CDH3: variants seen among roughly 807,000 people sequenced by gnomAD.
CDH3 encodes the protein cadherin-3.
In CDH3, 54 loss-of-function variants were observed where a neutral mutation model predicts 82.0. The ratio of observed to expected loss-of-function variants is 0.66; its 90% CI spans 0.53 to 0.83. The LOEUF (loss-of-function observed/expected upper bound fraction) is 0.83. CDH3 is among the 40% of genes least tolerant of loss of function. The probability of loss-of-function intolerance (pLI) is 0.00; values close to 1 mark genes in which losing one functional copy is unlikely to be tolerated. For synonymous variants in CDH3, 446 were observed against 437.9 expected, an observed-to-expected ratio of 1.02 and a Z score of -0.23; for missense variants, 1,054 against 1,084.6, an observed-to-expected ratio of 0.97 and a Z score of 0.40.
intron 1 of CDH3, among the ~76,000 whole-genome samples, chr16:68,719,898 A>G (rs958417700): frequency 6.6e-6 from 1 of 152,118 alleles, no homozygotes; most frequent in Non-Finnish European, 1.5e-5. Flanking sequence ...TCATGCATGT[A>G]ATCCCAACAC....
intron 2 of CDH3, among the ~76,000 whole-genome samples, chr16:68,654,353 C>A (rs1334307887): frequency 7.2e-6 from 1 of 138,610 alleles, no homozygotes; most frequent in East Asian, 2.1e-4. Flanking sequence ...GCCACCGCAC[C>A]TGGCCTTTTT....
chr16:68,697,198 C>T (rs539995517), intron 15 of CDH3, among the ~76,000 whole-genome samples: 4 of 151,892 alleles, frequency 2.6e-5, no homozygotes, highest in African/African-American at 9.7e-5. Context: ...CTGGTGGGCG[C>T]CTGTAGTCCC....
intron 12 of CDH3, among the ~76,000 whole-genome samples, chr16:68,689,526 ACT>A (rs1961505530): frequency 6.8e-6 from 1 of 147,718 alleles, no homozygotes; most frequent in African/African-American, 2.5e-5. Flanking sequence ...ACAGAGCGAG[ACT>A]CTGTCTCAGA....
At chr16:68,687,425 T>G in intron 11 of CDH3, 87 bp from the exon 12 acceptor site, 3 of 979,226 alleles carry the variant, frequency 3.1e-6, no homozygotes, top group Non-Finnish European at 4.9e-6. Flanking sequence ...TCTTGAGAGG[T>G]GAGAGCTGGG....
intron 2 of CDH3, among the ~76,000 whole-genome samples, chr16:68,669,934 C>T (rs1960839826): frequency 6.6e-6 from 1 of 151,782 alleles, no homozygotes; most frequent in Non-Finnish European, 1.5e-5. Context: ...GCCTGGGAAA[C>T]AGCAAGACCC....
At chr16:68,715,507 G>A (rs970660193) in intron 1 of CDH3, among the ~76,000 whole-genome samples, 1 of 152,064 alleles carries the variant, frequency 6.6e-6, no homozygotes, top group Non-Finnish European at 1.5e-5. Flanking sequence ...GAACTGGGGC[G>A]ATGTTCAAGT....
chr16:68,680,055 C>T, intron 7 of CDH3, 81 bp downstream of exon 7: 2 of 1,382,412 alleles, frequency 1.4e-6, no homozygotes, highest in South Asian at 2.3e-5. Flanking sequence ...AGCTCCTATC[C>T]CTGCCCACAA....
intron 1 of CDH3, among the ~76,000 whole-genome samples, chr16:68,708,460 G>A (rs1207604240): frequency 1.3e-5 from 2 of 152,066 alleles, no homozygotes; most frequent in South Asian, 2.1e-4. Flanking sequence ...CCCTCTGCCT[G>A]GCATGCCATT....
downstream of CDH3, among the ~76,000 whole-genome samples, chr16:68,730,297 C>T (rs538575874): frequency 1.0e-3 from 152 of 149,736 alleles, no homozygotes; most frequent in African/African-American, 2.5e-3. Flanking sequence ...GAGGCTGAGG[C>T]GGGCGGATCA....
At chr16:68,680,542 G>GCA (rs1961190500) in intron 7 of CDH3, among the ~76,000 whole-genome samples, 1 of 152,166 alleles carries the variant, frequency 6.6e-6, no homozygotes, top group Non-Finnish European at 1.5e-5. Flanking sequence ...AGCTGGGCGT[G>GCA]GTGGCAGGCA....
chr16:68,666,507 G>A (rs1960737877), intron 2 of CDH3, among the ~76,000 whole-genome samples: 1 of 152,074 alleles, frequency 6.6e-6, no homozygotes, highest in African/African-American at 2.4e-5. Flanking sequence ...CCCAGCATGT[G>A]CAGCCTCTTC....
At chr16:68,705,914 CAT>C (rs1228579983) in intron 1 of CDH3, among the ~76,000 whole-genome samples, 1 of 151,188 alleles carries the variant, frequency 6.6e-6, no homozygotes, top group Admixed American at 6.6e-5. Context: ...AAATACAAAA[CAT>C]TAGCGCGGCG....
At position 68,679,880 on chromosome 16, in the gene CDH3, A is replaced by C; in HGVS notation, c.773A>C (p.His258Pro). 6.2e-7 allele frequency: 1 copy of C among 1,613,962 alleles called. No homozygotes were observed. The highest frequency in any genetic ancestry group is 8.5e-7 in the Non-Finnish European group (1 of 1,179,840). Reference sequence around the variant, plus strand: ...AATGGGGTGGTTGCTTACTCCATCCATAGCCAAGAACCAAAGGACCCACAC... The same window carrying C: ...AATGGGGTGGTTGCTTACTCCATCCCTAGCCAAGAACCAAAGGACCCACAC... The part of the protein sequence containing the change: ...TYNGVVAYSI[H>P]SQEPKDPHDL... Residue 258 changes from histidine to proline, a missense_variant, in exon 7 of 16, where the codon CAT becomes CCT. Coordinates refer to ENST00000264012, the MANE Select transcript of CDH3 (RefSeq NM_001793.6).
chr16:68,667,727 T>A (rs1960775692), intron 2 of CDH3, among the ~76,000 whole-genome samples: 1 of 152,092 alleles, frequency 6.6e-6, no homozygotes, highest in South Asian at 2.1e-4. Flanking sequence ...GGGACCAAAC[T>A]CTTCTTGCCC....
chr16:68,654,461 G>GGGA, intron 2 of CDH3, among the ~76,000 whole-genome samples: 1 of 126,380 alleles, frequency 7.9e-6, no homozygotes, highest in Non-Finnish European at 1.6e-5. Flanking sequence ...CCAGCACTTT[G>GGGA]GGAGGCCGAG....
intron 2 of CDH3, among the ~76,000 whole-genome samples, chr16:68,664,851 T>C (rs1469090065): frequency 6.6e-6 from 1 of 151,994 alleles, no homozygotes; most frequent in Admixed American, 6.6e-5. Context: ...GGTTTCGCCA[T>C]GTTGCCCAGG....
rs529025669 is a variant in CDH3 at position 68,724,662 on chromosome 16, AT to A, written c.*45+2048del. Among the ~76,000 whole-genome samples, 89 of 151,662 alleles carry A rather than the reference AT, an allele frequency of 5.9e-4. No homozygotes were observed. In the East Asian group the frequency reaches 0.016, roughly 26 times the overall value. ...AAAAAAATGGTCTCGAGACCTGTCA[AT>A]TCCCCACACTACGTTGTCTGGCCAC... On this transcript the variant is annotated intron_variant, in intron 2 of 2. Coordinates refer to the CDH3 transcript ENST00000569080.
At chr16:68,648,260 C>T (rs1374675905) in intron 2 of CDH3, among the ~76,000 whole-genome samples, 3 of 152,142 alleles carry the variant, frequency 2.0e-5, no homozygotes. Context: ...ACTTTTACCT[C>T]CTGGTATATG....
intron 2 of CDH3, chr16:68,651,569 C>A: frequency 2.0e-6 from 1 of 497,978 alleles, no homozygotes. Context: ...TCTTGGCCTT[C>A]CCCGCCAGGG....
Sources: gnomAD v4.1 joint callset for allele counts (sites outside exome capture counted in the v4.1 genomes callset) on GRCh38, gnomAD v4.1.1 for gene constraint, MANE v1.5 for transcripts, NCBI Gene and HGNC (gene_info 2026-07-23, HGNC 2026-07-21) for gene names.